The following CSMD2 variants were observed in gnomAD, a reference collection of about 807,000 sequenced individuals.
CSMD2 encodes CUB and Sushi multiple domains 2.
A neutral mutation model predicts 398.5 loss-of-function variants in CSMD2; 130 were observed. That is an observed-to-expected ratio of 0.33 (90% CI 0.28 to 0.38). The LOEUF (loss-of-function observed/expected upper bound fraction) is 0.38. Ranked by LOEUF, CSMD2 falls within the 10% of genes least tolerant of loss-of-function variation. The pLI is 1.00. For synonymous variants in CSMD2, 1,828 were observed against 1,908.5 expected (o/e 0.96, Z 1.10); for missense variants, 3,829 against 4,764.9 (o/e 0.80, Z 5.78).
intron 3 of CSMD2, among the ~76,000 whole-genome samples, chr1:33,959,208 A>ATT (rs1645267379): frequency 6.6e-6 from 1 of 152,212 alleles, no homozygotes; most frequent in Non-Finnish European, 1.5e-5. Context: ...TAGATAAAAA[A>ATT]TGCCACAGAG....
intron 10 of CSMD2, among the ~76,000 whole-genome samples, chr1:33,801,791 G>C (rs1570017866): frequency 6.6e-6 from 1 of 152,206 alleles, no homozygotes; most frequent in Non-Finnish European, 1.5e-5. Context: ...GGCACACTGG[G>C]ACCAGATGTG....
chr1:34,057,450 C>T (rs1570958258), intron 2 of CSMD2, among the ~76,000 whole-genome samples: 1 of 152,092 alleles, frequency 6.6e-6, no homozygotes, highest in Non-Finnish European at 1.5e-5. Flanking sequence ...CTGGTGGAGG[C>T]GATGCCCTGG....
chr1:33,994,178 AG>A (rs1646652382), intron 3 of CSMD2, among the ~76,000 whole-genome samples: 1 of 152,276 alleles, frequency 6.6e-6, no homozygotes, highest in South Asian at 2.1e-4. Flanking sequence ...AGATCTGAAA[AG>A]GGTGGTTAAA....
chr1:34,131,415 G>A (rs1000348539), intron 1 of CSMD2, among the ~76,000 whole-genome samples: 4 of 152,118 alleles, frequency 2.6e-5, no homozygotes, highest in African/African-American at 4.8e-5. Context: ...TACTTACACA[G>A]GCCAGCCTGC....
intron 1 of CSMD2, among the ~76,000 whole-genome samples, chr1:34,114,697 C>CA (rs954047476): frequency 3.3e-4 from 49 of 148,936 alleles, no homozygotes; most frequent in Non-Finnish European, 5.7e-4. Flanking sequence ...GACCCTGTCT[C>CA]AAAAAAAAAG....
chr1:33,527,301 G>C, intron 64 of CSMD2, 43 bp from the exon 65 acceptor site: 1 of 1,524,584 alleles, frequency 6.6e-7, no homozygotes, highest in Non-Finnish European at 9.0e-7. Context: ...TCAGCTTCTG[G>C]TTCACACTCT....
chr1:33,633,307 G>T lies in CSMD2; in HGVS notation c.5200+115C>A, dbSNP rs1157120174. On this transcript the variant is annotated intron_variant, in intron 32 of 70. Coordinates refer to ENST00000373381, the MANE Select transcript of CSMD2 (RefSeq NM_001281956.2). The surrounding 1 kb of genome is among the most constrained non-coding windows in gnomAD (Gnocchi z 5.0). ...ACAAGCACCAGAACACGACAGGCAC[G>T]CAGAGCCGTAGGGTTCCACCTGCGG... 1 of 748,212 alleles carries T rather than the reference G, an allele frequency of 1.3e-6. No homozygotes were observed. Among genetic ancestry groups the T allele is most frequent in the Non-Finnish European group, 2.3e-6 (1 of 437,464 alleles). 46.3% of individuals were successfully genotyped at this position (748,212 alleles called of 1,614,324 possible).
At chr1:34,140,942 G>T (rs186270687) in intron 1 of CSMD2, among the ~76,000 whole-genome samples, 2 of 151,920 alleles carry the variant, frequency 1.3e-5, no homozygotes, top group East Asian at 3.9e-4. Context: ...TCCCCCTCCA[G>T]CCTCACTTCC....
intron 2 of CSMD2, 53 bp downstream of exon 2, chr1:34,088,924 A>G: frequency 6.9e-7 from 1 of 1,440,876 alleles, no homozygotes; most frequent in Non-Finnish European, 9.8e-7. Flanking sequence ...CCTCCTAGTG[A>G]GCTTGGCTCA....
intron 2 of CSMD2, among the ~76,000 whole-genome samples, chr1:34,073,034 G>A (rs993028747): frequency 6.6e-6 from 1 of 152,166 alleles, no homozygotes; most frequent in South Asian, 2.1e-4. Flanking sequence ...GCCTGCTTTG[G>A]ATTGTGAAGG....
chr1:33,576,730 T>C (rs1238335795), intron 49 of CSMD2, among the ~76,000 whole-genome samples: 1 of 152,128 alleles, frequency 6.6e-6, no homozygotes, highest in Non-Finnish European at 1.5e-5. Flanking sequence ...CCAAAGGAAA[T>C]GTGCTGAAAT....
rs1203690120 is a variant in CSMD2 at position 33,557,783 on chromosome 1, G to A, written c.8694C>T (p.Leu2898=). 2 of 1,536,004 alleles carry A rather than the reference G, an allele frequency of 1.3e-6. No individual in the cohort carries two copies. The highest frequency in any genetic ancestry group is 2.7e-5 in the African/African-American group (2 of 73,032). The change falls in exon 55 of 71, where the codon CTC becomes CTT. Residue 2898 remains leucine, a synonymous_variant. Coordinates refer to ENST00000373381, the MANE Select transcript of CSMD2 (RefSeq NM_001281956.2). ...CCCATGTGCCATCTCCCTGGCAGCT[G>A]AGCACTGGGGTGCCCAGGAGGTAGA... ...HGFYLLGTPV[L]SCQGDGTWDR... is the part of the protein sequence containing the mutation.
Position 33,605,332 on chromosome 1 carries a change from C to T in CSMD2, c.6482G>A (p.Cys2161Tyr). The T allele has an allele frequency of 6.2e-7, 1 of 1,614,178 alleles. No homozygotes were observed. Among genetic ancestry groups the T allele is most frequent in the Non-Finnish European group, 8.5e-7 (1 of 1,180,032 alleles). Residue 2161 changes from cysteine (C) to tyrosine (Y), a missense_variant, in exon 42 of 71, where the codon TGT (cysteine) becomes TAT (tyrosine). Coordinates refer to ENST00000373381, the MANE Select transcript of CSMD2 (RefSeq NM_001281956.2). ...YQLTGHPVLT[C>Y]QHGTNRNWDH... Reference sequence around the variant, plus strand: ...CCAGTTCCGGTTGGTGCCATGTTGACACGTGAGGACAGGGTGGCCAGTCAA... The same window carrying T: ...CCAGTTCCGGTTGGTGCCATGTTGATACGTGAGGACAGGGTGGCCAGTCAA...
intron 64 of CSMD2, among the ~76,000 whole-genome samples, chr1:33,532,397 A>T (rs929901701): frequency 1.3e-5 from 2 of 152,188 alleles, no homozygotes; most frequent in African/African-American, 4.8e-5. Context: ...CTAATCGTTT[A>T]ACCTTAATCC....
chr1:33,807,203 C>A (rs1269458321), intron 10 of CSMD2, among the ~76,000 whole-genome samples: 1 of 152,158 alleles, frequency 6.6e-6, no homozygotes, highest in Non-Finnish European at 1.5e-5. Context: ...ATGGAACTAT[C>A]AACTGATAAT....
intron 1 of CSMD2, among the ~76,000 whole-genome samples, chr1:34,138,399 G>A (rs1027922210): frequency 6.6e-6 from 1 of 152,222 alleles, no homozygotes; most frequent in African/African-American, 2.4e-5. Flanking sequence ...ACCACTTGCT[G>A]TGTTACTGCA....
At chr1:33,575,738 C>T (rs192284872) in intron 49 of CSMD2, among the ~76,000 whole-genome samples, 38 of 152,258 alleles carry the variant, frequency 2.5e-4, no homozygotes, top group African/African-American at 8.4e-4. Flanking sequence ...GAGACCAAAG[C>T]CAAATGCCAT....
intron 3 of CSMD2, among the ~76,000 whole-genome samples, chr1:34,006,754 C>T (rs1031180321): frequency 6.6e-6 from 1 of 152,084 alleles, no homozygotes. Flanking sequence ...TCAGGAAGTT[C>T]ATGCTCTCTG....
At chr1:33,726,753 T>A (rs1571358204) in intron 15 of CSMD2, 68 bp from the exon 16 acceptor site, 1 of 1,486,774 alleles carries the variant, frequency 6.7e-7, no homozygotes, top group African/African-American at 1.4e-5. Flanking sequence ...AGAAAATCTC[T>A]CTATAAAATG....
Sources: allele counts gnomAD v4.1 joint callset (sites outside exome capture counted in the v4.1 genomes callset), GRCh38; gene constraint gnomAD v4.1.1; non-coding constraint Gnocchi (gnomAD v3.1); transcripts MANE v1.5; gene names NCBI Gene and HGNC (gene_info 2026-07-23, HGNC 2026-07-21).